Variants in CRHR1 observed in about 807,000 individuals in gnomAD.
CRHR1 encodes the protein corticotropin-releasing hormone receptor 1.
CRHR1 carries 28 observed loss-of-function variants against 56.0 expected under a neutral mutation model. The ratio of observed to expected loss-of-function variants is 0.50; its 90% confidence interval spans 0.37 to 0.69. The LOEUF (loss-of-function observed/expected upper bound fraction) is 0.69, where lower values mean the gene tolerates loss of function less well. Ranked by LOEUF, CRHR1 falls within the 30% of genes least tolerant of loss-of-function variation. The pLI, the probability that CRHR1 is intolerant of heterozygous loss-of-function variation, is 0.00. For synonymous variants in CRHR1, 195 were observed against 216.5 expected, an observed-to-expected ratio of 0.90 and a Z score of 0.87; for missense variants, 376 against 548.0, an observed-to-expected ratio of 0.69 and a Z score of 3.13.
rs772106564 is a variant in CRHR1, at chr17:45,821,359, T to C, written c.246T>C (p.Asn82=). 6.8e-6 allele frequency: 11 copies of C among 1,613,406 alleles called. No individual in the cohort carries two copies. The African/African-American group carries it at 1.3e-4, about 20-fold the overall frequency. Residue 82 remains asparagine, a synonymous_variant, in exon 4 of 13, where the codon AAT becomes AAC. Transcript: ENST00000314537. ...FYGVRYNTTN[N]GYRECLANGS... ...GCCTCTCTCTTCCTTTTCCAGACAA[T>C]GGCTACCGGGAGTGCCTGGCCAATG...
At chr17:45,811,041 C>T (rs2061813451) in intron 2 of CRHR1, among the ~76,000 whole-genome samples, 2 of 152,226 alleles carry the variant, frequency 1.3e-5, no homozygotes, top group South Asian at 4.1e-4. Flanking sequence ...AAGGGCTTCC[C>T]AGCCTCAGGG....
chr17:45,808,371 C>T (rs1307047897), intron 2 of CRHR1, among the ~76,000 whole-genome samples: 1 of 152,098 alleles, frequency 6.6e-6, no homozygotes, highest in African/African-American at 2.4e-5. Context: ...AGGAACAAGC[C>T]CTGGACTTGG....
intron 1 of CRHR1, among the ~76,000 whole-genome samples, chr17:45,793,624 C>T (rs909364644): frequency 1.8e-4 from 27 of 152,076 alleles, no homozygotes; most frequent in African/African-American, 6.5e-4. Flanking sequence ...CAGCCTGGGG[C>T]GTCTTTTCTC....
At chr17:45,801,350 A>T (rs543539129) in intron 1 of CRHR1, among the ~76,000 whole-genome samples, 4 of 152,338 alleles carry the variant, frequency 2.6e-5, no homozygotes, top group African/African-American at 9.6e-5. Flanking sequence ...AAAAACAGTT[A>T]TGTGACATTG....
At chr17:45,817,144 G>A (rs55779147) in intron 3 of CRHR1, among the ~76,000 whole-genome samples, 21,785 of 152,198 alleles carry the variant, frequency 0.14, 2,133 homozygotes, top group Middle Eastern at 0.22. Flanking sequence ...CCCAGGGTCC[G>A]TCGGATACTT....
rs1320432984 is a variant in CRHR1 at position 45,835,603 on chromosome 17, G to T, written c.*839G>T. ...CTTGTAGCCCTGGATGGCCTCTGGG[G>T]CAGGACCACTAGCTAAGCAAGCCAG... is the stretch of plus-strand genomic sequence containing the variant. On this transcript the variant is annotated 3_prime_UTR_variant, in exon 13 of 13. Coordinates refer to ENST00000314537, the MANE Select transcript of CRHR1 (RefSeq NM_004382.5). 6.6e-6 allele frequency: 1 copy of T among 152,312 alleles called. No homozygotes were observed. 9.4% of individuals were successfully genotyped at this position (152,312 alleles called of 1,614,324 possible). A position where few individuals can be genotyped will look rare whatever the true frequency, so the allele number is the denominator to read the frequency against.
At chr17:45,794,203 A>T (rs987532898) in intron 1 of CRHR1, among the ~76,000 whole-genome samples, 10 of 152,212 alleles carry the variant, frequency 6.6e-5, no homozygotes, top group Non-Finnish European at 1.5e-4. Context: ...ACAGCATCTG[A>T]ATTGGTCTAG....
chr17:45,824,359 A>T (rs920058951), intron 4 of CRHR1, among the ~76,000 whole-genome samples: 1 of 152,200 alleles, frequency 6.6e-6, no homozygotes, highest in Non-Finnish European at 1.5e-5. Context: ...TGCAGGCCGC[A>T]CTGTCTGTCC....
At position 45,834,042 on chromosome 17, in the gene CRHR1, T is replaced by C. The variant is rs963308934; in HGVS notation, c.1101T>C (p.Asn367=). ...FFVSVFYCFL[N]SEVRSAIRKR... is the part of the protein sequence containing the mutation. Reference sequence around the variant, plus strand: ...TGTCTGTGTTCTACTGTTTCCTCAATAGTGAGGTGAGGACCCGGGGGCCCT... The same window carrying C: ...TGTCTGTGTTCTACTGTTTCCTCAACAGTGAGGTGAGGACCCGGGGGCCCT... The change falls in exon 12 of 13, where the codon AAT becomes AAC. Residue 367 remains asparagine (N), a synonymous_variant. Coordinates refer to ENST00000314537, the MANE Select transcript of CRHR1 (RefSeq NM_004382.5). 2.5e-6 allele frequency: 4 copies of C among 1,613,088 alleles called. No individual in the cohort carries two copies. The highest frequency in any genetic ancestry group is 1.7e-5 in the Admixed American group (1 of 59,986).
At chr17:45,813,309 AC>A (rs982693510) in intron 2 of CRHR1, among the ~76,000 whole-genome samples, 2 of 135,796 alleles carry the variant, frequency 1.5e-5, no homozygotes, top group Non-Finnish European at 3.2e-5. Flanking sequence ...CGCCCCCCCA[AC>A]CCCCCCACCC....
intron 1 of CRHR1, among the ~76,000 whole-genome samples, chr17:45,794,845 C>A (rs1280645909): frequency 6.6e-5 from 10 of 151,956 alleles, no homozygotes; most frequent in Non-Finnish European, 1.3e-4. Context: ...TTCTCCAGGG[C>A]CCAGGGCCCA....
chr17:45,795,776 G>C (rs973331268), intron 1 of CRHR1, among the ~76,000 whole-genome samples: 1 of 152,206 alleles, frequency 6.6e-6, no homozygotes, highest in Non-Finnish European at 1.5e-5. Flanking sequence ...AGCACTGTCT[G>C]GAAATTCTGA....
chr17:45,801,174 C>T (rs1395381519), intron 1 of CRHR1, among the ~76,000 whole-genome samples: 1 of 152,162 alleles, frequency 6.6e-6, no homozygotes, highest in Non-Finnish European at 1.5e-5. Context: ...GAACCTGGCC[C>T]TCCACCCCCT....
At chr17:45,827,503 A>T (rs972217432) in intron 4 of CRHR1, 2 of 152,252 alleles carry the variant, frequency 1.3e-5, no homozygotes, top group African/African-American at 4.8e-5. Flanking sequence ...GGATTGGGGC[A>T]TCTGCCGCCA....
At chr17:45,826,989 C>G (rs1291723207) in intron 4 of CRHR1, 2 of 152,076 alleles carry the variant, frequency 1.3e-5, no homozygotes, top group African/African-American at 4.8e-5. Flanking sequence ...CCTCCCCCAC[C>G]CAAAAAAAGA....
intron 1 of CRHR1, among the ~76,000 whole-genome samples, chr17:45,793,248 C>T (rs370835409): frequency 3.5e-4 from 54 of 152,250 alleles, no homozygotes; most frequent in Non-Finnish European, 6.8e-4. Context: ...GCACTGGGGG[C>T]GTTGTCCACG....
intron 12 of CRHR1, 62 bp downstream of exon 12, chr17:45,834,110 T>G: frequency 1.3e-6 from 2 of 1,579,096 alleles, no homozygotes. Flanking sequence ...GACTGGCGAT[T>G]GTCTAGAGCC....
At chr17:45,815,785 T>G (rs1215071156) in intron 2 of CRHR1, among the ~76,000 whole-genome samples, 4 of 112,846 alleles carry the variant, frequency 3.5e-5, no homozygotes, top group African/African-American at 1.1e-4. Context: ...AGACTCCCAG[T>G]TCAGTGTGTC....
intron 6 of CRHR1, 37 bp from the exon 7 acceptor site, chr17:45,830,380 C>T (rs773244679): frequency 1.3e-6 from 2 of 1,589,420 alleles, no homozygotes; most frequent in Admixed American, 3.4e-5. Context: ...CCTCCCCTGC[C>T]CCCCATCATC....
Sources: allele counts gnomAD v4.1 joint callset (sites outside exome capture counted in the v4.1 genomes callset), GRCh38; gene constraint gnomAD v4.1.1; transcripts MANE v1.5; gene names NCBI Gene and HGNC (gene_info 2026-07-23, HGNC 2026-07-21).